CFAP54: variants seen among roughly 807,000 people sequenced by gnomAD.
CFAP54 encodes the protein cilia and flagella associated protein 54.
CFAP54 carries 290 observed loss-of-function variants against 370.4 expected under a neutral mutation model. The ratio of observed to expected loss-of-function variants is 0.78; its 90% confidence interval spans 0.71 to 0.86. CFAP54 has a LOEUF of 0.86. CFAP54 is among the 40% of genes least tolerant of loss of function. The pLI is 0.00. For synonymous variants in CFAP54, 1,206 were observed against 1,236.5 expected, an observed-to-expected ratio of 0.98 and a Z score of 0.52; for missense variants, 3,399 against 3,528.7, an observed-to-expected ratio of 0.96 and a Z score of 0.93.
At chr12:96,825,105 C>A (rs1248024877) in intron 65 of CFAP54, among the ~76,000 whole-genome samples, 1 of 150,200 alleles carries the variant, frequency 6.7e-6, no homozygotes, top group Non-Finnish European at 1.5e-5. Flanking sequence ...CTATTTTTTT[C>A]AAGGCTCAAT....
intron 29 of CFAP54, 61 bp from the exon 30 acceptor site, chr12:96,626,752 C>T (rs1202014040): frequency 4.0e-6 from 4 of 999,510 alleles, no homozygotes; most frequent in South Asian, 4.0e-5. Flanking sequence ...GCACTGGCAA[C>T]CCTTTGGTAC....
At chr12:96,536,231 CT>C (rs1383310475) in intron 12 of CFAP54, among the ~76,000 whole-genome samples, 1 of 152,098 alleles carries the variant, frequency 6.6e-6, no homozygotes, top group Non-Finnish European at 1.5e-5. Flanking sequence ...TGTTAGTTTG[CT>C]GAGGATAATG....
chr12:96,516,443 T>C (rs1409704130), intron 5 of CFAP54, among the ~76,000 whole-genome samples: 1 of 152,158 alleles, frequency 6.6e-6, no homozygotes, highest in African/African-American at 2.4e-5. Flanking sequence ...TTTTCTGATA[T>C]AACCCTATCT....
intron 66 of CFAP54, among the ~76,000 whole-genome samples, chr12:96,846,081 A>G (rs1959335636): frequency 6.6e-6 from 1 of 152,252 alleles, no homozygotes; most frequent in Non-Finnish European, 1.5e-5. Flanking sequence ...CGTTTCTCAC[A>G]GAAACTATTT....
intron 22 of CFAP54, among the ~76,000 whole-genome samples, chr12:96,587,021 A>G (rs1333460832): frequency 2.0e-5 from 3 of 152,156 alleles, no homozygotes; most frequent in Non-Finnish European, 4.4e-5. Flanking sequence ...GAGAAAAATA[A>G]AAGATGACCC....
At chr12:96,505,502 CTTTTTT>C (rs58264783) in intron 3 of CFAP54, among the ~76,000 whole-genome samples, 2 of 133,478 alleles carry the variant, frequency 1.5e-5, no homozygotes, top group East Asian at 4.7e-4. Context: ...AATAGCCTCA[CTTTTTT>C]TTTTTTTTTT....
intron 26 of CFAP54, among the ~76,000 whole-genome samples, chr12:96,613,004 C>G (rs547348202): frequency 6.6e-6 from 1 of 152,292 alleles, no homozygotes; most frequent in African/African-American, 2.4e-5. Flanking sequence ...CTGAACTCAG[C>G]TCTGCACCAG....
rs528537464 is a variant in CFAP54, at chr12:96,733,919, T to C, written c.6966-6037T>C. The stretch of plus-strand genomic sequence containing the variant: ...GTACCACTTTCTTTTTCCAGGGTTT[T>C]CTATCAGCCATGCTGAGTTAGCCTT... On this transcript the variant is annotated intron_variant, in intron 50 of 67. Coordinates refer to ENST00000524981, the MANE Select transcript of CFAP54 (RefSeq NM_001306084.2). Among the ~76,000 whole-genome samples the C allele has an allele frequency of 5.3e-5, 8 of 152,336 alleles. No homozygotes were observed. The South Asian group carries it at 1.5e-3, about 28-fold the overall frequency.
At position 96,504,043 on chromosome 12, in the gene CFAP54, G is replaced by A. The variant is rs972567761; in HGVS notation, c.567+14G>A. ...GCTGGACTTACAGTAAGATGAAAGAGCAGCTGAAATAGCTACAATTTATGA... is the reference window on the plus strand; with the variant it reads ...GCTGGACTTACAGTAAGATGAAAGAACAGCTGAAATAGCTACAATTTATGA... On this transcript the variant is annotated intron_variant, in intron 3 of 67. Coordinates refer to ENST00000524981, the MANE Select transcript of CFAP54 (RefSeq NM_001306084.2). 3 of 1,494,242 alleles carry A rather than the reference G, an allele frequency of 2.0e-6. No homozygotes were observed. In the African/African-American group the frequency reaches 4.2e-5, roughly 21 times the overall value. The allele number at this position is 1,494,242 out of a possible 1,614,324, so 92.6% of individuals were successfully genotyped here. A position where few individuals can be genotyped will look rare whatever the true frequency, so the allele number is the denominator to read the frequency against.
chr12:96,804,952 C>A (rs1958861923), intron 63 of CFAP54, among the ~76,000 whole-genome samples: 1 of 152,104 alleles, frequency 6.6e-6, no homozygotes. Flanking sequence ...ATACCTTTAA[C>A]CAACTGGTCT....
At chr12:96,567,720 T>C (rs1218069158) in intron 19 of CFAP54, among the ~76,000 whole-genome samples, 1 of 152,150 alleles carries the variant, frequency 6.6e-6, no homozygotes, top group Admixed American at 6.6e-5. Flanking sequence ...TGTTTTATGA[T>C]GACTGAATCT....
chr12:96,606,291 G>A (rs1250735740), intron 26 of CFAP54, among the ~76,000 whole-genome samples: 1 of 152,180 alleles, frequency 6.6e-6, no homozygotes, highest in Non-Finnish European at 1.5e-5. Context: ...ACCAATTTTA[G>A]CCTACAGTTG....
intron 63 of CFAP54, among the ~76,000 whole-genome samples, chr12:96,807,870 A>G (rs970893633): frequency 6.6e-6 from 1 of 152,182 alleles, no homozygotes. Context: ...TAAGCACTTC[A>G]CATGGACTCA....
At chr12:96,490,819 CAT>C (rs138357870) in intron 1 of CFAP54, among the ~76,000 whole-genome samples, 13,342 of 152,044 alleles carry the variant, frequency 0.088, 748 homozygotes, top group Non-Finnish European at 0.13. Context: ...GTTAACAAAA[CAT>C]ATAAGAATCC....
rs1163704187 is a variant in CFAP54 at position 96,489,817 on chromosome 12, C to A, written c.208C>A (p.Pro70Thr). The A allele has an allele frequency of 4.6e-6, 7 of 1,536,136 alleles. No homozygotes were observed. The East Asian group carries it at 1.5e-4, about 32-fold the overall frequency. Residue 70 changes from proline (P) to threonine (T), a missense_variant, in exon 1 of 68, where the codon CCG (proline) becomes ACG (threonine). By Grantham distance (38) the Pro-to-Thr change is conservative. Around this residue, in one of 3 missense-constraint regions of CFAP54, gnomAD observed 559 missense variants for 576.7 expected, o/e 0.97. Coordinates refer to ENST00000524981, the MANE Select transcript of CFAP54 (RefSeq NM_001306084.2). Reference sequence around the variant, plus strand: ...TTATGGGCCGCTGGACGCGAAAAACCCGCTCCTGGCCTCTTGTGAGAAGGA... The same window carrying A: ...TTATGGGCCGCTGGACGCGAAAAACACGCTCCTGGCCTCTTGTGAGAAGGA... ...VFYGPLDAKN[P>T]LLASCEKEIQ...
At chr12:96,503,205 C>G (rs1432467978) in intron 2 of CFAP54, among the ~76,000 whole-genome samples, 1 of 146,350 alleles carries the variant, frequency 6.8e-6, no homozygotes, top group Non-Finnish European at 1.5e-5. Flanking sequence ...CTTTCTCTTT[C>G]TTCCTTTCCT....
intron 48 of CFAP54, 74 bp downstream of exon 48, chr12:96,708,877 T>A (rs893889243): frequency 1.2e-5 from 14 of 1,149,130 alleles, no homozygotes; most frequent in Non-Finnish European, 1.6e-5. Flanking sequence ...CCCACTAATC[T>A]ATATAAATGA....
chr12:96,533,466 A>G (rs978152567), intron 9 of CFAP54, among the ~76,000 whole-genome samples: 30 of 152,162 alleles, frequency 2.0e-4, no homozygotes, highest in African/African-American at 7.2e-4. Context: ...TAAAAGCTCT[A>G]TCCCCATTTT....
In CFAP54 at chr12:96,651,736, C is replaced by T. The variant is rs1263160982; in HGVS notation, c.5021C>T (p.Thr1674Ile). ...FPISQDGFLC[T>I]SVLPFYLGAE... ...ATTAGCCAAGATGGTTTCCTCTGCA[C>T]CTCTGTTTTACCATTCTATTTGGGA... is the stretch of plus-strand genomic sequence containing the variant. The change falls in exon 36 of 68, where the codon ACC becomes ATC. Residue 1674 changes from threonine (T) to isoleucine (I), a missense_variant. This residue lies in a region of CFAP54 where 2,796 missense variants were observed against 2,869.7 expected (regional missense o/e 0.97). Transcript: ENST00000524981. The T allele has an allele frequency of 1.2e-6, 2 of 1,613,740 alleles. No individual in the cohort carries two copies. Among genetic ancestry groups the T allele is most frequent in the South Asian group, 1.1e-5 (1 of 91,060 alleles).
Sources: gnomAD v4.1 joint callset for allele counts (sites outside exome capture counted in the v4.1 genomes callset) on GRCh38, gnomAD v4.1.1 for gene constraint, gnomAD v4.1.1 regional missense constraint, MANE v1.5 for transcripts, NCBI Gene and HGNC (gene_info 2026-07-23, HGNC 2026-07-21) for gene names.